FSD1L: variants seen among roughly 807,000 people sequenced by gnomAD.
FSD1L encodes the protein fibronectin type III and SPRY domain containing 1 like.
A neutral mutation model predicts 71.6 loss-of-function variants in FSD1L; 45 were observed. The ratio of observed to expected loss-of-function variants is 0.63; its 90% confidence interval spans 0.49 to 0.81. FSD1L has a LOEUF of 0.81. Among genes scored for constraint, FSD1L ranks in the 30% least tolerant of loss-of-function variants. The pLI is 0.00. For synonymous variants in FSD1L, 197 were observed against 207.2 expected (o/e 0.95, Z 0.42); for missense variants, 561 against 618.1 (o/e 0.91, Z 0.98).
At chr9:105,527,280 A>G (rs1835570613) in intron 10 of FSD1L, among the ~76,000 whole-genome samples, 1 of 149,318 alleles carries the variant, frequency 6.7e-6, no homozygotes, top group South Asian at 2.2e-4. Flanking sequence ...ATTGGCTGCT[A>G]GATCCTGGTG....
At chr9:105,494,150 G>T (rs1490702154) in intron 7 of FSD1L, among the ~76,000 whole-genome samples, 4 of 152,162 alleles carry the variant, frequency 2.6e-5, no homozygotes, top group Non-Finnish European at 5.9e-5. Flanking sequence ...ATCAGACATA[G>T]ATTTGGTCTT....
intron 4 of FSD1L, among the ~76,000 whole-genome samples, chr9:105,469,707 T>G (rs981702300): frequency 5.3e-5 from 8 of 152,050 alleles, no homozygotes; most frequent in East Asian, 1.9e-4. Flanking sequence ...CACAGGTTTT[T>G]TTTTTTTTTT....
intron 7 of FSD1L, 67 bp from the exon 8 acceptor site, chr9:105,506,332 T>C (rs1834047240): frequency 8.6e-7 from 1 of 1,158,178 alleles, no homozygotes; most frequent in Non-Finnish European, 1.2e-6. Context: ...AAATGTGATA[T>C]CAATATTTGA....
intron 7 of FSD1L, among the ~76,000 whole-genome samples, chr9:105,497,263 T>C (rs572799911): frequency 1.3e-5 from 1 of 79,658 alleles, no homozygotes; most frequent in African/African-American, 6.0e-5. Flanking sequence ...TGGATTTGAT[T>C]TGCTATATTT....
At chr9:105,471,263 G>C (rs761778608) in intron 4 of FSD1L, among the ~76,000 whole-genome samples, 6 of 152,162 alleles carry the variant, frequency 3.9e-5, no homozygotes, top group Non-Finnish European at 7.3e-5. Flanking sequence ...TGATGTTCCA[G>C]TGCAACTGGT....
At chr9:105,494,574 G>C (rs1216831929) in intron 7 of FSD1L, among the ~76,000 whole-genome samples, 1 of 152,122 alleles carries the variant, frequency 6.6e-6, no homozygotes, top group Non-Finnish European at 1.5e-5. Flanking sequence ...GAGGAGAGGC[G>C]CTCTGGTTTT....
At chr9:105,529,163 T>C (rs1835724472) in intron 10 of FSD1L, among the ~76,000 whole-genome samples, 1 of 152,218 alleles carries the variant, frequency 6.6e-6, no homozygotes, top group Non-Finnish European at 1.5e-5. Context: ...TGTTCTACAC[T>C]GTTGGTGGGA....
At chr9:105,468,543 C>T (rs1311353256) in intron 4 of FSD1L, among the ~76,000 whole-genome samples, 1 of 149,006 alleles carries the variant, frequency 6.7e-6, no homozygotes, top group Admixed American at 6.7e-5. Flanking sequence ...CTCACTCTGT[C>T]ACCCAGGCTG....
upstream of FSD1L, chr9:105,447,803 C>A: frequency 3.6e-6 from 1 of 278,840 alleles, no homozygotes. Context: ...CTCTTTCCTT[C>A]CCGGGCCCTC....
chr9:105,458,409 T>C (rs771269739), intron 1 of FSD1L, among the ~76,000 whole-genome samples: 1 of 152,174 alleles, frequency 6.6e-6, no homozygotes, highest in Non-Finnish European at 1.5e-5. Flanking sequence ...CCTGAGTTCT[T>C]GTCCTGCGTC....
At chr9:105,529,148 G>A (rs746379733) in intron 10 of FSD1L, among the ~76,000 whole-genome samples, 37 of 152,166 alleles carry the variant, frequency 2.4e-4, no homozygotes, top group Non-Finnish European at 5.1e-4. Flanking sequence ...TGGAGAAATA[G>A]GAACTGTTCT....
At chr9:105,523,932 C>G (rs1366718324) in intron 10 of FSD1L, 6 of 1,590,484 alleles carry the variant, frequency 3.8e-6, no homozygotes, top group South Asian at 1.1e-5. Context: ...TTCAGCTTTT[C>G]TCAATGCACC....
chr9:105,499,395 CTT>C (rs1372623178), intron 7 of FSD1L, among the ~76,000 whole-genome samples: 2 of 152,086 alleles, frequency 1.3e-5, no homozygotes, highest in Non-Finnish European at 2.9e-5. Context: ...CTCCATTGCT[CTT>C]TGTTTCTTTG....
At chr9:105,469,658 A>G (rs1326162467) in intron 4 of FSD1L, among the ~76,000 whole-genome samples, 3 of 146,210 alleles carry the variant, frequency 2.1e-5, no homozygotes, top group East Asian at 2.0e-4. Context: ...GCAGTTTTCT[A>G]TTCATTCTGG....
At chr9:105,538,748 C>T (rs1306729033) in intron 12 of FSD1L, among the ~76,000 whole-genome samples, 1 of 152,062 alleles carries the variant, frequency 6.6e-6, no homozygotes, top group East Asian at 1.9e-4. Flanking sequence ...CCAGCTTATA[C>T]AAAATAGCAA....
rs1371875004 is a variant in FSD1L, at chr9:105,524,341, A to G, written c.1026-10152A>G. On this transcript the variant is annotated intron_variant, in intron 10 of 13. Coordinates refer to ENST00000481272, the MANE Select transcript of FSD1L (RefSeq NM_001145313.3). ...CCTGATTCTCCCTTGAAAATTATTC[A>G]GATCCTAATAGCTACCATCACCCAT... 1.2e-5 allele frequency: 19 copies of G among 1,613,804 alleles called. No individual in the cohort carries two copies. In the Admixed American group the frequency reaches 3.2e-4, roughly 27 times the overall value.
intron 10 of FSD1L, chr9:105,524,193 A>G: frequency 1.9e-6 from 3 of 1,612,272 alleles, no homozygotes; most frequent in Middle Eastern, 4.5e-4. Context: ...TCATCCTCAA[A>G]TTAAGGAAGC....
chr9:105,448,764 G>T (rs1404408773), intron 1 of FSD1L, among the ~76,000 whole-genome samples: 2 of 152,206 alleles, frequency 1.3e-5, no homozygotes, highest in African/African-American at 4.8e-5. Flanking sequence ...TTCCTAAGTA[G>T]ATCTTAGTGT....
intron 5 of FSD1L, among the ~76,000 whole-genome samples, chr9:105,478,598 T>G (rs1031836964): frequency 6.6e-6 from 1 of 152,188 alleles, no homozygotes; most frequent in African/African-American, 2.4e-5. Flanking sequence ...TACTTGTTTT[T>G]TATTATTTTG....
Sources: gnomAD v4.1 joint callset for allele counts (sites outside exome capture counted in the v4.1 genomes callset) on GRCh38, gnomAD v4.1.1 for gene constraint, MANE v1.5 for transcripts, NCBI Gene and HGNC (gene_info 2026-07-23, HGNC 2026-07-21) for gene names.